Variants in ZNF236 observed in about 807,000 individuals in gnomAD.
ZNF236 encodes the protein zinc finger protein 236, also known as regulated by glucose.
Under a neutral mutation model 191.2 loss-of-function variants are expected in ZNF236, and 50 were observed. The ratio of observed to expected loss-of-function variants is 0.26; its 90% CI spans 0.21 to 0.33. The LOEUF (loss-of-function observed/expected upper bound fraction) is 0.33. Among genes scored for constraint, ZNF236 ranks in the 10% least tolerant of loss-of-function variants. ZNF236 has a pLI of 1.00. For synonymous variants in ZNF236, 907 were observed against 928.8 expected, an observed-to-expected ratio of 0.98 and a Z score of 0.43; for missense variants, 1,754 against 2,374.5, an observed-to-expected ratio of 0.74 and a Z score of 5.43.
chr18:76,856,980 G>A (rs946222932), intron 3 of ZNF236, among the ~76,000 whole-genome samples: 4 of 152,166 alleles, frequency 2.6e-5, no homozygotes, highest in African/African-American at 4.8e-5. Context: ...AGCAGAACTC[G>A]CATGGAAGGG....
chr18:76,943,949 A>C (rs111840297), intron 26 of ZNF236, among the ~76,000 whole-genome samples: 28 of 152,376 alleles, frequency 1.8e-4, no homozygotes, highest in African/African-American at 6.7e-4. Context: ...ATGAAATTGT[A>C]CATGTGAGCA....
chr18:76,895,687 C>G (rs682712), intron 10 of ZNF236, among the ~76,000 whole-genome samples: 50,376 of 151,792 alleles, frequency 0.33, 8,827 homozygotes, highest in East Asian at 0.52. Context: ...CACACAGTAC[C>G]CCACATAGTA....
chr18:76,911,933 T>TGTCA (rs912577335), intron 16 of ZNF236, among the ~76,000 whole-genome samples: 2 of 152,200 alleles, frequency 1.3e-5, no homozygotes, highest in African/African-American at 4.8e-5. Context: ...TTTTATTCAC[T>TGTCA]GTCAGTAAGA....
intron 2 of ZNF236, 21 bp from the exon 3 acceptor site, chr18:76,851,754 T>C (rs1975879738): frequency 6.3e-7 from 1 of 1,594,076 alleles, no homozygotes; most frequent in African/African-American, 1.3e-5. Context: ...CAGTGGCTTC[T>C]TCACTTTTCT....
intron 1 of ZNF236, among the ~76,000 whole-genome samples, chr18:76,822,906 T>G (rs1974897994): frequency 6.8e-6 from 1 of 147,446 alleles, no homozygotes; most frequent in Non-Finnish European, 1.5e-5. Flanking sequence ...GGGCGGCGGC[T>G]GAGGCGGGAG....
In ZNF236 at chr18:76,822,626, C is replaced by A; in HGVS notation, c.19C>A (p.Pro7Thr). ...GCCGACGATGCCGCGGGGCCGCCCCCCGAAGCCCAGGGAGAGCAAGGCGCG... is the reference window on the plus strand; with the variant it reads ...GCCGACGATGCCGCGGGGCCGCCCCACGAAGCCCAGGGAGAGCAAGGCGCG... MPRGRP[P>T]KPRESKARGD... The change falls in exon 1 of 31, where the codon CCG becomes ACG. Residue 7 changes from proline (P) to threonine (T), a missense_variant. Physicochemically the swap from Pro to Thr is conservative, Grantham distance 38. This residue lies in a region of ZNF236 where 336 missense variants were observed against 495.1 expected (regional missense o/e 0.68). Transcript: ENST00000320610. The A allele has an allele frequency of 6.7e-6, 1 of 150,356 alleles. No homozygotes were observed. Among genetic ancestry groups the A allele is most frequent in the Non-Finnish European group, 1.5e-5 (1 of 68,286 alleles). The allele number at this position is 150,356 out of a possible 1,614,324, so 9.3% of individuals were successfully genotyped here.
rs1568210198 is a variant in ZNF236, at chr18:76,880,514, T to C, written c.1188+198T>C. On this transcript the variant is annotated intron_variant, in intron 8 of 30. Transcript: ENST00000320610. The surrounding 1 kb of genome is among the most constrained non-coding windows in gnomAD (Gnocchi z 5.0). ...AACATTCAAATGATTTATTCATCTA[T>C]ACATTAAAAAAAAAATCACAAACTT... 6.6e-6 allele frequency among the ~76,000 whole-genome samples: 1 copy of C among 152,066 alleles called. No individual in the cohort carries two copies. The highest frequency in any genetic ancestry group is 1.5e-5 in the Non-Finnish European group (1 of 68,008).
chr18:76,958,058 G>C (rs1196833324), intron 28 of ZNF236, among the ~76,000 whole-genome samples: 2 of 152,208 alleles, frequency 1.3e-5, no homozygotes, highest in African/African-American at 4.8e-5. Flanking sequence ...GCAGTGAGCT[G>C]ACGGCCATGT....
Position 76,912,275 on chromosome 18 carries a change from A to G in ZNF236, c.2837A>G (p.Glu946Gly), listed in dbSNP as rs1237551437. Residue 946 changes from glutamate to glycine, a missense_variant, in exon 17 of 31, where the codon GAG becomes GGG. Transcript: ENST00000320610. Reference protein sequence around the residue: ...TTRLIQESSQEELDLQAQGSQ... With the variant: ...TTRLIQESSQGELDLQAQGSQ... Reference sequence around the variant, plus strand: ...CGCTTGATTCAGGAGTCATCCCAAGAGGAACTGGACCTGCAGGCACAAGGT... The same window carrying G: ...CGCTTGATTCAGGAGTCATCCCAAGGGGAACTGGACCTGCAGGCACAAGGT... 1.2e-6 allele frequency: 2 copies of G among 1,614,118 alleles called. No individual in the cohort carries two copies. The highest frequency in any genetic ancestry group is 2.7e-5 in the African/African-American group (2 of 74,950).
chr18:76,854,867 G>C (rs1031508748), intron 3 of ZNF236, among the ~76,000 whole-genome samples: 1 of 152,080 alleles, frequency 6.6e-6, no homozygotes, highest in Non-Finnish European at 1.5e-5. Context: ...CAGAGTTTAG[G>C]AATGCCTGTG....
intron 3 of ZNF236, among the ~76,000 whole-genome samples, chr18:76,864,520 TAC>T (rs529516958): frequency 5.3e-5 from 8 of 151,798 alleles, no homozygotes; most frequent in Admixed American, 2.6e-4. Context: ...TACACACACA[TAC>T]ACACACACGC....
rs1020116671 is a variant in ZNF236 at position 76,960,348 on chromosome 18, G to A, written c.5243-331G>A. On this transcript the variant is annotated intron_variant, in intron 29 of 30. Transcript: ENST00000320610. The surrounding 1 kb of genome is among the most constrained non-coding windows in gnomAD (Gnocchi z 4.4). ...AGCTCGTGTCAGCCCTTCCGTCTCC[G>A]CCCTGCCCTAACAGGACATCATCCC... Among the ~76,000 whole-genome samples the A allele has an allele frequency of 5.3e-5, 8 of 152,030 alleles. 1 individual carries two copies. Among genetic ancestry groups the A allele is most frequent in the South Asian group, 2.1e-4 (1 of 4,818 alleles).
chr18:76,908,535 G>A lies in ZNF236; in HGVS notation c.2513G>A (p.Gly838Asp), dbSNP rs776894209. Residue 838 changes from glycine to aspartate, a missense_variant, in exon 14 of 31, where the codon GGC (glycine) becomes GAC (aspartate). Transcript: ENST00000320610. ...GTGGGCACGGAGGAAGCAGGGCTGG[G>A]CCAGCAGTTGGCAGATCAGCCCCTG... ...HVVGTEEAGL[G>D]QQLADQPLEA... 8.7e-6 allele frequency: 14 copies of A among 1,612,304 alleles called. No homozygotes were observed. Among genetic ancestry groups the A allele is most frequent in the Non-Finnish European group, 1.2e-5 (14 of 1,179,550 alleles).
chr18:76,840,782 T>TGTGTGTGTGTGCGCGC (rs1159377715), intron 1 of ZNF236: 26 of 99,250 alleles, frequency 2.6e-4, no homozygotes, highest in African/African-American at 7.0e-4. Context: ...AACCTGTGTG[T>TGTGTGTGTGTGCGCGC]GTGTGTGTGT....
chr18:76,892,909 C>T (rs983393111), intron 9 of ZNF236, among the ~76,000 whole-genome samples: 1 of 152,252 alleles, frequency 6.6e-6, no homozygotes, highest in African/African-American at 2.4e-5. Flanking sequence ...TCCAGGAAAG[C>T]TTGCCATGTG....
chr18:76,897,073 G>T (rs1568218153), intron 10 of ZNF236, among the ~76,000 whole-genome samples: 1 of 151,078 alleles, frequency 6.6e-6, no homozygotes, highest in Non-Finnish European at 1.5e-5. Flanking sequence ...ACATGGTGCT[G>T]CAGACAGGTA....
intron 25 of ZNF236, among the ~76,000 whole-genome samples, chr18:76,931,822 C>T (rs147983269): frequency 4.5e-4 from 68 of 152,308 alleles, no homozygotes; most frequent in African/African-American, 1.5e-3. Flanking sequence ...TCGTTCTCTT[C>T]ACCTTGTAGA....
intron 5 of ZNF236, among the ~76,000 whole-genome samples, chr18:76,872,890 C>T (rs1227387542): frequency 6.6e-6 from 1 of 152,102 alleles, no homozygotes; most frequent in African/African-American, 2.4e-5. Context: ...TATTGTTTGT[C>T]AAGCAGTTCT....
Position 76,868,675 on chromosome 18 carries a change from T to C in ZNF236, c.364-10T>C. The C allele has an allele frequency of 6.3e-7, 1 of 1,585,826 alleles. No homozygotes were observed. Reference sequence around the variant, plus strand: ...GTTTGCTCTGCTCACCGATGGGTTTTCTCTTCCAGAATCTCATCTGTTCTG... The same window carrying C: ...GTTTGCTCTGCTCACCGATGGGTTTCCTCTTCCAGAATCTCATCTGTTCTG... On this transcript the variant is annotated splice_polypyrimidine_tract_variant and intron_variant, in intron 3 of 30. Coordinates refer to ENST00000320610, the MANE Select transcript of ZNF236 (RefSeq NM_001306089.2).
Sources: gnomAD v4.1 joint callset for allele counts (sites outside exome capture counted in the v4.1 genomes callset) on GRCh38, gnomAD v4.1.1 for gene constraint, gnomAD v4.1.1 regional missense constraint, Gnocchi (gnomAD v3.1) non-coding constraint, MANE v1.5 for transcripts, NCBI Gene and HGNC (gene_info 2026-07-23, HGNC 2026-07-21) for gene names.